Variants in FAM76A observed in about 807,000 individuals in gnomAD.
FAM76A encodes protein FAM76A.
A neutral mutation model predicts 46.2 loss-of-function variants in FAM76A; 32 were observed. That is an observed-to-expected ratio of 0.69 (90% CI 0.52 to 0.93). FAM76A has a LOEUF of 0.93. Among genes scored for constraint, FAM76A ranks in the 40% least tolerant of loss-of-function variants. FAM76A has a pLI of 0.00. For synonymous variants in FAM76A, 137 were observed against 127.0 expected (o/e 1.08, Z -0.53); for missense variants, 274 against 361.5 (o/e 0.76, Z 1.96).
At chr1:27,748,131 T>G (rs950788595) in intron 5 of FAM76A, among the ~76,000 whole-genome samples, 13 of 139,656 alleles carry the variant, frequency 9.3e-5, no homozygotes, top group South Asian at 4.7e-4. Flanking sequence ...TTTTTTTTTT[T>G]TTTTTTTTTT....
chr1:27,738,844 C>T (rs953035638), intron 4 of FAM76A, among the ~76,000 whole-genome samples: 7 of 152,168 alleles, frequency 4.6e-5, no homozygotes, highest in Admixed American at 4.6e-4. Context: ...GAGGAAGTAA[C>T]ATTTGAGTGG....
intron 1 of FAM76A, among the ~76,000 whole-genome samples, chr1:27,726,928 T>G (rs1463659251): frequency 6.6e-6 from 1 of 151,658 alleles, no homozygotes; most frequent in African/African-American, 2.4e-5. Flanking sequence ...AATGTTGAGG[T>G]TATCCAATAA....
At chr1:27,736,396 C>A (rs1471488792) in intron 4 of FAM76A, among the ~76,000 whole-genome samples, 1 of 152,162 alleles carries the variant, frequency 6.6e-6, no homozygotes, top group East Asian at 1.9e-4. Flanking sequence ...CACTTATTAA[C>A]TGTGTGACTT....
At chr1:27,734,002 C>A in intron 3 of FAM76A, 29 bp from the exon 4 acceptor site, 3 of 1,591,438 alleles carry the variant, frequency 1.9e-6, no homozygotes, top group Non-Finnish European at 2.6e-6. Context: ...GAAAGTAATA[C>A]TTACTTGACT....
intron 5 of FAM76A, among the ~76,000 whole-genome samples, chr1:27,746,700 C>T (rs2088246469): frequency 6.6e-6 from 1 of 152,132 alleles, no homozygotes; most frequent in Non-Finnish European, 1.5e-5. Flanking sequence ...GCACTCCATG[C>T]TCGGTGACAG....
At chr1:27,750,235 C>T (rs1262691700) in intron 6 of FAM76A, among the ~76,000 whole-genome samples, 2 of 152,210 alleles carry the variant, frequency 1.3e-5, no homozygotes. Context: ...GGATACAAAA[C>T]ATTCTTTCCC....
At chr1:27,732,784 C>T in intron 3 of FAM76A, 127 bp downstream of exon 3, 1 of 580,114 alleles carries the variant, frequency 1.7e-6, no homozygotes, top group Non-Finnish European at 2.8e-6. Flanking sequence ...ATATCTGATA[C>T]TGATTTCAGC....
chr1:27,734,855 C>T (rs1443586935), intron 4 of FAM76A, among the ~76,000 whole-genome samples: 1 of 152,174 alleles, frequency 6.6e-6, no homozygotes, highest in Non-Finnish European at 1.5e-5. Flanking sequence ...ATGTTTTTAT[C>T]TGTTGAAATT....
At chr1:27,748,616 G>A (rs975263494) in intron 5 of FAM76A, among the ~76,000 whole-genome samples, 15 of 151,706 alleles carry the variant, frequency 9.9e-5, no homozygotes, top group African/African-American at 3.1e-4. Context: ...TGCGTAGCTG[G>A]GACTACAGGC....
Position 27,726,141 on chromosome 1 carries a change from CA to C in FAM76A, c.62del (p.Gln21ArgfsTer16). On this transcript the variant is annotated frameshift_variant, in exon 1 of 9. Transcript: ENST00000373954. LOFTEE classifies it high-confidence loss of function. ...GCGCTTCCCCTTCGAGGCGCTGTCT[CA>C]GGGGCAGCAGCTGTGCAAGGTGCGC... ...HQRFPFEALS[Q>X]GQQLCKECRI... 1 of 1,309,348 alleles carries C rather than the reference CA, an allele frequency of 7.6e-7. No individual in the cohort carries two copies. The highest frequency in any genetic ancestry group is 9.8e-7 in the Non-Finnish European group (1 of 1,023,954). 81.1% of individuals were successfully genotyped at this position (1,309,348 alleles called of 1,614,324 possible).
chr1:27,738,854 G>A (rs985715249), intron 4 of FAM76A, among the ~76,000 whole-genome samples: 11 of 152,182 alleles, frequency 7.2e-5, no homozygotes, highest in Non-Finnish European at 1.0e-4. Flanking sequence ...CATTTGAGTG[G>A]AAACTAGGAT....
At chr1:27,742,986 C>A (rs986870966) in intron 4 of FAM76A, among the ~76,000 whole-genome samples, 2 of 152,046 alleles carry the variant, frequency 1.3e-5, no homozygotes, top group African/African-American at 4.8e-5. Flanking sequence ...TTGCTTGAAC[C>A]CAGGAGATGG....
At chr1:27,753,832 A>G (rs1168761520) in intron 6 of FAM76A, among the ~76,000 whole-genome samples, 2 of 152,212 alleles carry the variant, frequency 1.3e-5, no homozygotes, top group Non-Finnish European at 2.9e-5. Context: ...GTTGAGAATG[A>G]GTATTCCAGT....
intron 8 of FAM76A, 152 bp downstream of exon 8, chr1:27,759,779 G>GTTTTGTTTTTTTTT (rs1553179890): frequency 2.8e-6 from 1 of 359,620 alleles, no homozygotes; most frequent in African/African-American, 3.5e-5. Context: ...TTTTTTTTTT[G>GTTTTGTTTTTTTTT]TTTTTTTTTT....
In FAM76A at chr1:27,734,148, C is replaced by T; in HGVS notation, c.319C>T (p.Gln107Ter). Residue 107 changes from glutamine to a stop codon, truncating the protein, a stop_gained, in exon 4 of 9, where the codon CAG becomes TAG. Transcript: ENST00000373954. LOFTEE classifies it high-confidence loss of function. ...CTATTCTTGTGAACAGTGCAAGCAG[C>T]AGTGTGCATTTGACAGGAAAGATGA... ...PPYSCEQCKQ[Q>*]CAFDRKDDRK... 6.3e-7 allele frequency: 1 copy of T among 1,595,690 alleles called. No individual in the cohort carries two copies. Among genetic ancestry groups the T allele is most frequent in the Non-Finnish European group, 8.5e-7 (1 of 1,174,166 alleles).
At chr1:27,738,065 A>G (rs974718598) in intron 4 of FAM76A, among the ~76,000 whole-genome samples, 2 of 151,276 alleles carry the variant, frequency 1.3e-5, no homozygotes, top group African/African-American at 2.4e-5. Flanking sequence ...AAATAAATAA[A>G]ATTAGGTCTT....
At chr1:27,758,163 T>G (rs2088445958) in intron 7 of FAM76A, among the ~76,000 whole-genome samples, 1 of 152,226 alleles carries the variant, frequency 6.6e-6, no homozygotes, top group Non-Finnish European at 1.5e-5. Context: ...CTTACTTGCA[T>G]TCATCTAATT....
chr1:27,736,071 C>T (rs1195280495), intron 4 of FAM76A, among the ~76,000 whole-genome samples: 1 of 152,034 alleles, frequency 6.6e-6, no homozygotes, highest in Non-Finnish European at 1.5e-5. Flanking sequence ...CCTGTAATCC[C>T]AACACTTTGG....
intron 4 of FAM76A, chr1:27,739,840 T>TA (rs36037658): frequency 0.14 from 25,319 of 179,050 alleles, 5,282 homozygotes; most frequent in African/African-American, 0.49. Context: ...ATGATAATGT[T>TA]AAAAAAAATA....
Sources: allele counts gnomAD v4.1 joint callset (sites outside exome capture counted in the v4.1 genomes callset), GRCh38; gene constraint gnomAD v4.1.1; transcripts MANE v1.5; gene names NCBI Gene and HGNC (gene_info 2026-07-23, HGNC 2026-07-21).